EPB41L3: variants seen among roughly 807,000 people sequenced by gnomAD.
The protein encoded by EPB41L3 is band 4.1-like protein 3.
In EPB41L3, 57 loss-of-function variants were observed where a neutral mutation model predicts 127.1. The ratio of observed to expected loss-of-function variants is 0.45; its 90% confidence interval spans 0.36 to 0.56. The LOEUF (loss-of-function observed/expected upper bound fraction) is 0.56. EPB41L3 is among the 20% of genes least tolerant of loss of function. The pLI is 0.00. For missense variants in EPB41L3, 1,273 were observed against 1,372.2 expected (o/e 0.93, Z 1.14); for synonymous variants, 572 against 549.5 (o/e 1.04, Z -0.57).
intron 1 of EPB41L3, among the ~76,000 whole-genome samples, chr18:5,541,036 G>T (rs1159212926): frequency 7.1e-6 from 1 of 139,944 alleles, no homozygotes; most frequent in Non-Finnish European, 1.5e-5. Context: ...AGTGAGCCGA[G>T]ATCGCACCAC....
chr18:5,498,528 A>C (rs901806984), intron 1 of EPB41L3, among the ~76,000 whole-genome samples: 4 of 142,538 alleles, frequency 2.8e-5, no homozygotes, highest in Admixed American at 1.4e-4. Flanking sequence ...TGGGAGGTGG[A>C]GGTTGCAGTG....
Position 5,426,829 on chromosome 18 carries a change from A to G in EPB41L3, c.1065+1484T>C, listed in dbSNP as rs531440866. On this transcript the variant is annotated intron_variant, in intron 9 of 22. Coordinates refer to ENST00000341928, the MANE Select transcript of EPB41L3 (RefSeq NM_012307.5). ...ATAGGTGCTCACTTAACAAATGTTC[A>G]ATGAAGTCAAATGACTATCTATTGG... is the stretch of plus-strand genomic sequence containing the variant. 1.1e-4 allele frequency among the ~76,000 whole-genome samples: 16 copies of G among 152,358 alleles called. No homozygotes were observed. The East Asian group carries it at 1.5e-3, about 15-fold the overall frequency.
intron 3 of EPB41L3, among the ~76,000 whole-genome samples, chr18:5,568,515 A>T (rs2094237511): frequency 6.6e-6 from 1 of 152,130 alleles, no homozygotes; most frequent in Non-Finnish European, 1.5e-5. Flanking sequence ...AATGTGAAAT[A>T]AGGATCTCCA....
At chr18:5,554,994 C>A (rs116562768) in intron 3 of EPB41L3, among the ~76,000 whole-genome samples, 6 of 152,320 alleles carry the variant, frequency 3.9e-5, no homozygotes, top group African/African-American at 1.4e-4. Flanking sequence ...TTCGTCCTCA[C>A]AAATCACTGT....
chr18:5,459,005 G>T (rs2083531251), intron 3 of EPB41L3, among the ~76,000 whole-genome samples: 1 of 152,112 alleles, frequency 6.6e-6, no homozygotes. Context: ...AATTTTTGAG[G>T]TATATTTTAA....
chr18:5,622,759 C>A (rs968436413), intron 1 of EPB41L3, among the ~76,000 whole-genome samples: 1 of 152,154 alleles, frequency 6.6e-6, no homozygotes, highest in Non-Finnish European at 1.5e-5. Context: ...CCACAGACTC[C>A]TGGTCTCCTT....
intron 3 of EPB41L3, among the ~76,000 whole-genome samples, chr18:5,592,323 T>A (rs1295155542): frequency 6.6e-6 from 1 of 152,132 alleles, no homozygotes; most frequent in Non-Finnish European, 1.5e-5. Flanking sequence ...TATGCCACCA[T>A]GCCTGGCTAA....
chr18:5,547,913 T>C (rs1386477195), upstream of EPB41L3, among the ~76,000 whole-genome samples: 1 of 152,184 alleles, frequency 6.6e-6, no homozygotes, highest in Non-Finnish European at 1.5e-5. Context: ...TAATAGAGAA[T>C]CAGTCTGGTT....
intron 16 of EPB41L3, among the ~76,000 whole-genome samples, chr18:5,406,345 G>C (rs577009346): frequency 1.2e-4 from 19 of 152,254 alleles, no homozygotes; most frequent in Admixed American, 7.9e-4. Flanking sequence ...ATAAAAGCCT[G>C]GTGTAATATC....
chr18:5,570,641 TG>T (rs1482241522), intron 3 of EPB41L3, among the ~76,000 whole-genome samples: 1 of 152,196 alleles, frequency 6.6e-6, no homozygotes, highest in Non-Finnish European at 1.5e-5. Context: ...CTAGGGTACA[TG>T]TGCACAACGT....
Position 5,395,061 on chromosome 18 carries a change from C to T in EPB41L3, c.3153+6G>A, listed in dbSNP as rs370686158. On this transcript the variant is annotated splice_donor_region_variant and intron_variant, in intron 21 of 22. Coordinates refer to ENST00000341928, the MANE Select transcript of EPB41L3 (RefSeq NM_012307.5). ...GCCAGGGTATTTACCGTCTCACACA[C>T]ACTACCTGGTCATGGTCAATGTCTG... The T allele has an allele frequency of 6.2e-7, 1 of 1,613,800 alleles. No individual in the cohort carries two copies. The highest frequency in any genetic ancestry group is 2.2e-5 in the East Asian group (1 of 44,872).
intron 3 of EPB41L3, among the ~76,000 whole-genome samples, chr18:5,608,410 C>T (rs997008175): frequency 1.4e-4 from 21 of 151,998 alleles, no homozygotes; most frequent in Admixed American, 6.6e-5. Context: ...AGAAAGAGTC[C>T]GGAAAAAGAG....
chr18:5,498,599 A>AAAAAAAAT (rs1161604033), intron 1 of EPB41L3, among the ~76,000 whole-genome samples: 1 of 149,114 alleles, frequency 6.7e-6, no homozygotes, highest in Non-Finnish European at 1.5e-5. Context: ...CATCTCAAAA[A>AAAAAAAAT]AAAAAAAAAA....
intron 7 of EPB41L3, 87 bp from the exon 8 acceptor site, chr18:5,433,643 TA>T: frequency 2.5e-6 from 3 of 1,222,098 alleles, no homozygotes; most frequent in Non-Finnish European, 3.5e-6. Context: ...TGCTATCTCA[TA>T]AGAAGTCCTA....
At position 5,443,894 on chromosome 18, in the gene EPB41L3, G is replaced by A; in HGVS notation, c.487-14C>T. 1 of 1,604,308 alleles carries A rather than the reference G, an allele frequency of 6.2e-7. No individual in the cohort carries two copies. Among genetic ancestry groups the A allele is most frequent in the Non-Finnish European group, 8.5e-7 (1 of 1,175,078 alleles). ...GTCCAACCAATTCTGAAAAGGAAAT[G>A]ACATTTTGAATTTGAATCAGAGGAG... On this transcript the variant is annotated splice_polypyrimidine_tract_variant and intron_variant, in intron 4 of 22. Coordinates refer to ENST00000341928, the MANE Select transcript of EPB41L3 (RefSeq NM_012307.5).
chr18:5,515,445 A>G (rs2148728861), intron 1 of EPB41L3, among the ~76,000 whole-genome samples: 1 of 152,350 alleles, frequency 6.6e-6, no homozygotes. Flanking sequence ...AAAGGAATTG[A>G]GTCTAAGCAT....
Position 5,409,415 on chromosome 18 carries a change from G to C in EPB41L3, c.2121+1151C>G, listed in dbSNP as rs186006594. Among the ~76,000 whole-genome samples the C allele has an allele frequency of 3.3e-3, 506 of 152,158 alleles. 3 individuals carry two copies. The highest frequency in any genetic ancestry group is 0.02 in the Middle Eastern group (6 of 294). ...ATGTAACTAACTCTTATAAAATCAA[G>C]GTGTAGCTTTGTTATAGTTGGCAAA... On this transcript the variant is annotated intron_variant, in intron 14 of 22. Transcript: ENST00000341928.
At chr18:5,622,495 T>A (rs991265492) in intron 1 of EPB41L3, among the ~76,000 whole-genome samples, 5 of 152,328 alleles carry the variant, frequency 3.3e-5, no homozygotes, top group African/African-American at 1.2e-4. Flanking sequence ...CATCCCAGTA[T>A]GCAGTGAGCT....
chr18:5,584,310 C>T (rs775509224), intron 3 of EPB41L3, among the ~76,000 whole-genome samples: 11 of 152,186 alleles, frequency 7.2e-5, no homozygotes, highest in Admixed American at 2.0e-4. Context: ...TTTGCTACAA[C>T]AGAACGTAAC....
Sources: gnomAD v4.1 joint callset for allele counts (sites outside exome capture counted in the v4.1 genomes callset) on GRCh38, gnomAD v4.1.1 for gene constraint, MANE v1.5 for transcripts, NCBI Gene and HGNC (gene_info 2026-07-23, HGNC 2026-07-21) for gene names.